CSMD2: variants seen among roughly 807,000 people sequenced by gnomAD.
The protein encoded by CSMD2 is CUB and Sushi multiple domains 2.
Under a neutral mutation model 398.5 loss-of-function variants are expected in CSMD2, and 130 were observed. That is an observed-to-expected ratio of 0.33 (90% CI 0.28 to 0.38). CSMD2 has a LOEUF of 0.38. CSMD2 is among the 10% of genes least tolerant of loss of function. CSMD2 has a pLI of 1.00. For missense variants in CSMD2, 3,829 were observed against 4,764.9 expected (o/e 0.80, Z 5.78); for synonymous variants, 1,828 against 1,908.5 (o/e 0.96, Z 1.10).
intron 19 of CSMD2, among the ~76,000 whole-genome samples, chr1:33,721,265 T>G (rs768715130): frequency 1.3e-5 from 2 of 152,198 alleles, no homozygotes; most frequent in Non-Finnish European, 2.9e-5. Flanking sequence ...TACTGAGATC[T>G]TGGTTTAGGC....
intron 55 of CSMD2, among the ~76,000 whole-genome samples, chr1:33,554,964 A>C (rs1480667756): frequency 1.3e-5 from 2 of 152,282 alleles, no homozygotes; most frequent in East Asian, 3.9e-4. Context: ...AATAATTTTG[A>C]CTTTCAAGTC....
At chr1:33,839,649 C>G (rs900118558) in intron 6 of CSMD2, 2 of 152,250 alleles carry the variant, frequency 1.3e-5, no homozygotes, top group Non-Finnish European at 2.9e-5. Flanking sequence ...GATGCAATAG[C>G]TGTGCTGAAG....
intron 24 of CSMD2, among the ~76,000 whole-genome samples, chr1:33,693,730 T>C (rs961615892): frequency 6.6e-6 from 1 of 152,184 alleles, no homozygotes; most frequent in African/African-American, 2.4e-5. Context: ...AAATGTGGCA[T>C]AGCCATACAA....
At chr1:33,689,321 G>C (rs1274643142) in intron 25 of CSMD2, among the ~76,000 whole-genome samples, 1 of 152,184 alleles carries the variant, frequency 6.6e-6, no homozygotes, top group Non-Finnish European at 1.5e-5. Context: ...TAGCTCCTTT[G>C]AGGTTGCTGT....
chr1:33,624,395 T>A lies in CSMD2; in HGVS notation c.5625+124A>T. 1 of 1,251,262 alleles carries A rather than the reference T, an allele frequency of 8.0e-7. No individual in the cohort carries two copies. Among genetic ancestry groups the A allele is most frequent in the East Asian group, 2.4e-5 (1 of 42,510 alleles). The allele number at this position is 1,251,262 out of a possible 1,614,324, so 77.5% of individuals were successfully genotyped here. ...CGCAGGGGCAGGTACAGGGCTGATA[T>A]GTCTCTTCCTGGCTCACCCTGACTC... On this transcript the variant is annotated intron_variant, in intron 35 of 70. Coordinates refer to ENST00000373381, the MANE Select transcript of CSMD2 (RefSeq NM_001281956.2). This position sits in a 1 kb window ranked among gnomAD's most constrained non-coding sequence, Gnocchi z 4.7.
chr1:33,827,856 T>C (rs890284618), intron 6 of CSMD2, among the ~76,000 whole-genome samples: 2 of 152,220 alleles, frequency 1.3e-5, no homozygotes, highest in Non-Finnish European at 2.9e-5. Context: ...TCTTGTGATC[T>C]GCACCCAAAG....
intron 5 of CSMD2, among the ~76,000 whole-genome samples, chr1:33,883,019 G>T (rs1376167982): frequency 1.3e-5 from 2 of 152,072 alleles, no homozygotes; most frequent in Non-Finnish European, 2.9e-5. Context: ...ACACCAGCTG[G>T]AGGCTGGTGT....
chr1:33,623,279 T>C lies in CSMD2; in HGVS notation c.5722+91A>G, dbSNP rs377544114. The C allele has an allele frequency of 5.7e-6, 5 of 881,574 alleles. No individual in the cohort carries two copies. The East Asian group carries it at 7.4e-5, about 13-fold the overall frequency. The allele number at this position is 881,574 out of a possible 1,614,324, so 54.6% of individuals were successfully genotyped here. A position where few individuals can be genotyped will look rare whatever the true frequency, so the allele number is the denominator to read the frequency against. On this transcript the variant is annotated intron_variant, in intron 36 of 70. Coordinates refer to ENST00000373381, the MANE Select transcript of CSMD2 (RefSeq NM_001281956.2). ...GGTGAATTTCATGGAATATAAGTGA[T>C]ATCTCAATAATAATAATGATAATAA...
At chr1:34,000,656 A>G (rs1174401619) in intron 3 of CSMD2, among the ~76,000 whole-genome samples, 1 of 152,054 alleles carries the variant, frequency 6.6e-6, no homozygotes, top group African/African-American at 2.4e-5. Context: ...TACAAAATAA[A>G]CAAACAAAAT....
chr1:33,790,661 G>GTCTATCATCTA (rs1553207458), intron 11 of CSMD2, among the ~76,000 whole-genome samples: 1 of 149,728 alleles, frequency 6.7e-6, no homozygotes, highest in Non-Finnish European at 1.5e-5. Context: ...CTGTTTGTCT[G>GTCTATCATCTA]TCTATCTATC....
intron 1 of CSMD2, among the ~76,000 whole-genome samples, chr1:34,091,688 C>T (rs1044711631): frequency 6.6e-6 from 1 of 152,086 alleles, no homozygotes; most frequent in Non-Finnish European, 1.5e-5. Flanking sequence ...AAATCCTAAA[C>T]AGGCATTTCA....
intron 12 of CSMD2, among the ~76,000 whole-genome samples, chr1:33,786,956 T>C (rs1454082466): frequency 6.6e-6 from 1 of 152,236 alleles, no homozygotes; most frequent in African/African-American, 2.4e-5. Context: ...AATGTGATCT[T>C]ATTTGGAAAC....
chr1:33,912,605 G>A (rs775090289), intron 5 of CSMD2, among the ~76,000 whole-genome samples: 26 of 152,178 alleles, frequency 1.7e-4, no homozygotes, highest in Middle Eastern at 3.4e-3. Flanking sequence ...CAGAGAGAGC[G>A]AGGGGGCACA....
At chr1:33,710,093 T>C (rs941250618) in intron 21 of CSMD2, among the ~76,000 whole-genome samples, 4 of 152,228 alleles carry the variant, frequency 2.6e-5, no homozygotes, top group Non-Finnish European at 5.9e-5. Flanking sequence ...TTTGTTAACA[T>C]TTCTATGTCC....
chr1:33,749,563 G>A (rs1448768662), intron 13 of CSMD2, among the ~76,000 whole-genome samples: 2 of 152,084 alleles, frequency 1.3e-5, no homozygotes, highest in Non-Finnish European at 2.9e-5. Context: ...AAGGAGAGAA[G>A]AGAGAATAAA....
intron 5 of CSMD2, among the ~76,000 whole-genome samples, chr1:33,883,248 A>G (rs1472274622): frequency 1.3e-5 from 2 of 152,234 alleles, no homozygotes; most frequent in Non-Finnish European, 2.9e-5. Context: ...TATATGTCTT[A>G]GGCTGCGGAG....
intron 15 of CSMD2, among the ~76,000 whole-genome samples, chr1:33,733,438 G>A (rs1646783676): frequency 6.6e-6 from 1 of 152,220 alleles, no homozygotes; most frequent in Non-Finnish European, 1.5e-5. Context: ...TCTTAAGCAA[G>A]TTACATAACC....
At chr1:34,041,361 G>GT (rs1651823417) in intron 2 of CSMD2, among the ~76,000 whole-genome samples, 1 of 152,188 alleles carries the variant, frequency 6.6e-6, no homozygotes, top group Non-Finnish European at 1.5e-5. Flanking sequence ...CCAGGTCTAT[G>GT]TAAGACCTTG....
intron 7 of CSMD2, among the ~76,000 whole-genome samples, chr1:33,820,870 C>T (rs1425864608): frequency 1.3e-5 from 2 of 152,134 alleles, no homozygotes; most frequent in Non-Finnish European, 2.9e-5. Context: ...AGAAGTGGAC[C>T]ATCCACAGCC....
Sources: allele counts gnomAD v4.1 joint callset (sites outside exome capture counted in the v4.1 genomes callset), GRCh38; gene constraint gnomAD v4.1.1; non-coding constraint Gnocchi (gnomAD v3.1); transcripts MANE v1.5; gene names NCBI Gene and HGNC (gene_info 2026-07-23, HGNC 2026-07-21).